The following SLC39A10 variants were observed in gnomAD, a reference collection of about 807,000 sequenced individuals.
SLC39A10 encodes the protein zinc transporter ZIP10.
In SLC39A10, 13 loss-of-function variants were observed where a neutral mutation model predicts 65.1. The observed-to-expected ratio is 0.20, with a 90% CI of 0.13 to 0.32. The LOEUF (loss-of-function observed/expected upper bound fraction) is 0.32. Ranked by LOEUF, SLC39A10 falls within the 10% of genes least tolerant of loss-of-function variation. The pLI, the probability that SLC39A10 is intolerant of heterozygous loss-of-function variation, is 1.00. For missense variants in SLC39A10, 831 were observed against 1,018.4 expected (o/e 0.82, Z 2.50); for synonymous variants, 321 against 342.2 (o/e 0.94, Z 0.68).
chr2:195,714,853 T>C (rs1314026882), intron 6 of SLC39A10, among the ~76,000 whole-genome samples: 2 of 152,094 alleles, frequency 1.3e-5, no homozygotes, highest in East Asian at 2.0e-4. Context: ...CCTGGGTTCA[T>C]GCCATTCTCC....
At chr2:195,679,228 A>T (rs1229424317) in intron 1 of SLC39A10, among the ~76,000 whole-genome samples, 1 of 142,830 alleles carries the variant, frequency 7.0e-6, no homozygotes, top group East Asian at 2.0e-4. Flanking sequence ...AGGAGCTATT[A>T]GCAATTGATT....
At chr2:195,715,256 G>A (rs1402490343) in intron 6 of SLC39A10, among the ~76,000 whole-genome samples, 2 of 151,886 alleles carry the variant, frequency 1.3e-5, no homozygotes, top group African/African-American at 4.8e-5. Flanking sequence ...GGCTGGGTGC[G>A]GTGGCTCACG....
At chr2:195,614,634 A>G (rs1270263030) in intron 2 of SLC39A10, among the ~76,000 whole-genome samples, 1 of 152,188 alleles carries the variant, frequency 6.6e-6, no homozygotes, top group Non-Finnish European at 1.5e-5. Context: ...TTTCACTCTA[A>G]AAGAACTTAA....
chr2:195,728,362 AT>A lies in SLC39A10; in HGVS notation c.2337+14del. The A allele has an allele frequency of 6.2e-7, 1 of 1,603,018 alleles. No individual in the cohort carries two copies. Among genetic ancestry groups the A allele is most frequent in the Non-Finnish European group, 8.5e-7 (1 of 1,172,948 alleles). ...CTTGGTGGATATGGTAAGATATTTT[AT>A]ATTTTTTTGTGGTACTAAACCTGCA... On this transcript the variant is annotated intron_variant, in intron 9 of 9. Transcript: ENST00000359634. This position sits in a 1 kb window ranked among gnomAD's most constrained non-coding sequence, Gnocchi z 4.4.
At chr2:195,691,303 T>G (rs1690731598) in intron 3 of SLC39A10, among the ~76,000 whole-genome samples, 1 of 152,220 alleles carries the variant, frequency 6.6e-6, no homozygotes. Context: ...TTTTTGGAAT[T>G]GCAAGTTGGG....
Position 195,683,756 on chromosome 2 carries a change from T to G in SLC39A10, c.1066T>G (p.Ser356Ala), listed in dbSNP as rs762792681. The change falls in exon 3 of 10, where the codon TCA becomes GCA. Residue 356 changes from serine (S) to alanine (A), a missense_variant. By Grantham distance (99) the Ser-to-Ala change is moderately conservative. This residue lies in a region of SLC39A10 where 446 missense variants were observed against 499.2 expected (regional missense o/e 0.89). Transcript: ENST00000359634. ...TGGTCATGGTGCCAACTCTCCCATC[T>G]CAACTGATTTATTTACATACCTTTG... is the stretch of plus-strand genomic sequence containing the variant. ...YYGHGANSPI[S>A]TDLFTYLCPA... The G allele has an allele frequency of 4.3e-6, 7 of 1,613,464 alleles. No individual in the cohort carries two copies. Among genetic ancestry groups the G allele is most frequent in the Non-Finnish European group, 5.9e-6 (7 of 1,179,536 alleles).
intron 1 of SLC39A10, chr2:195,657,551 G>A: frequency 1.0e-6 from 1 of 983,740 alleles, no homozygotes; most frequent in Non-Finnish European, 1.2e-6. Context: ...GCGGGATCGG[G>A]AGCCGGCGGC....
At chr2:195,683,016 G>A (rs913209928) in intron 2 of SLC39A10, among the ~76,000 whole-genome samples, 2 of 152,050 alleles carry the variant, frequency 1.3e-5, no homozygotes, top group African/African-American at 2.4e-5. Flanking sequence ...CAAAGGGACA[G>A]TGCCAATCTC....
At chr2:195,662,127 G>A (rs979120047) in intron 1 of SLC39A10, among the ~76,000 whole-genome samples, 1 of 152,064 alleles carries the variant, frequency 6.6e-6, no homozygotes, top group African/African-American at 2.4e-5. Context: ...GAACTACGAA[G>A]GAGGTTAATT....
chr2:195,730,848 A>G (rs116093200), intron 9 of SLC39A10, among the ~76,000 whole-genome samples: 218 of 152,246 alleles, frequency 1.4e-3, no homozygotes, highest in African/African-American at 4.8e-3. Flanking sequence ...TGATACCTCT[A>G]TTCTTCTAGT....
intron 2 of SLC39A10, among the ~76,000 whole-genome samples, chr2:195,645,751 A>G (rs2105709028): frequency 6.6e-6 from 1 of 152,322 alleles, no homozygotes; most frequent in South Asian, 2.1e-4. Flanking sequence ...TTCATGTTGT[A>G]GCATGTATTT....
At chr2:195,619,950 T>G (rs1205554184) in intron 2 of SLC39A10, among the ~76,000 whole-genome samples, 3 of 152,020 alleles carry the variant, frequency 2.0e-5, no homozygotes, top group Non-Finnish European at 4.4e-5. Context: ...TGAGACAGAG[T>G]CTCGCTCCAT....
At position 195,737,476 on chromosome 2, in the gene SLC39A10, A is replaced by AT. The variant is rs1692688660; in HGVS notation, c.*2435_*2436insT. 6.2e-6 allele frequency: 1 copy of AT among 160,952 alleles called. No individual in the cohort carries two copies. Among genetic ancestry groups the AT allele is most frequent in the African/African-American group, 2.4e-5 (1 of 41,346 alleles). 10.0% of individuals were successfully genotyped at this position (160,952 alleles called of 1,614,324 possible). On this transcript the variant is annotated 3_prime_UTR_variant, in exon 10 of 10. Coordinates refer to ENST00000359634, the MANE Select transcript of SLC39A10 (RefSeq NM_020342.3). ...CAGTGTGAATTTTTTCCATTAACAAACAAACAAGTCAGTGGCTTAAATGTG... is the reference window on the plus strand; with the variant it reads ...CAGTGTGAATTTTTTCCATTAACAAATCAAACAAGTCAGTGGCTTAAATGTG...
intron 8 of SLC39A10, among the ~76,000 whole-genome samples, chr2:195,725,690 C>T (rs10208493): frequency 0.49 from 74,964 of 151,574 alleles, 19,110 homozygotes; most frequent in Non-Finnish European, 0.57. Context: ...TCATAATTGC[C>T]AAAAACAGTG....
At chr2:195,690,176 A>AG (rs1251865872) in intron 3 of SLC39A10, among the ~76,000 whole-genome samples, 8 of 130,444 alleles carry the variant, frequency 6.1e-5, no homozygotes, top group African/African-American at 2.9e-4. Context: ...ACTCTCTGAA[A>AG]AAAAAAAAAA....
chr2:195,701,781 A>G (rs1276914670), intron 3 of SLC39A10, among the ~76,000 whole-genome samples: 1 of 152,050 alleles, frequency 6.6e-6, no homozygotes, highest in African/African-American at 2.4e-5. Context: ...TTCTGGGCTC[A>G]GGTGATCCTC....
chr2:195,658,217 C>G (rs1387814272), intron 1 of SLC39A10: 1 of 152,462 alleles, frequency 6.6e-6, no homozygotes, highest in Non-Finnish European at 1.5e-5. Context: ...AGGGCGCGAG[C>G]AACATGACGT....
Position 195,649,946 on chromosome 2 carries a change from C to T in SLC39A10, c.-11-30086C>T, listed in dbSNP as rs571644417. Among the ~76,000 whole-genome samples, 18 of 152,220 alleles carry T rather than the reference C, an allele frequency of 1.2e-4. No individual in the cohort carries two copies. In the South Asian group the frequency reaches 2.7e-3, roughly 23 times the overall value. Reference sequence around the variant, plus strand: ...CACTACCCTCAAGAATCTAGACAACCGTGTTTTCTCTTTTCTTAGAACTTC... The same window carrying T: ...CACTACCCTCAAGAATCTAGACAACTGTGTTTTCTCTTTTCTTAGAACTTC... On this transcript the variant is annotated intron_variant, in intron 2 of 2. Coordinates refer to the SLC39A10 transcript ENST00000458054.
At chr2:195,700,346 G>C (rs911664395) in intron 3 of SLC39A10, among the ~76,000 whole-genome samples, 2 of 152,052 alleles carry the variant, frequency 1.3e-5, no homozygotes, top group African/African-American at 4.8e-5. Context: ...TTTTTTGGTA[G>C]TGAAAAGGTT....
Sources: gnomAD v4.1 joint callset for allele counts (sites outside exome capture counted in the v4.1 genomes callset) on GRCh38, gnomAD v4.1.1 for gene constraint, gnomAD v4.1.1 regional missense constraint, Gnocchi (gnomAD v3.1) non-coding constraint, MANE v1.5 for transcripts, NCBI Gene and HGNC (gene_info 2026-07-23, HGNC 2026-07-21) for gene names.